TENM3: variants seen among roughly 807,000 people sequenced by gnomAD.
The protein encoded by TENM3 is teneurin-3.
A neutral mutation model predicts 255.1 loss-of-function variants in TENM3; 63 were observed. That is an observed-to-expected ratio of 0.25 (90% CI 0.20 to 0.30). The LOEUF (loss-of-function observed/expected upper bound fraction) is 0.30. TENM3 is among the 10% of genes least tolerant of loss of function. TENM3 has a pLI of 1.00. For missense variants in TENM3, 2,929 were observed against 3,461.1 expected, an observed-to-expected ratio of 0.85 and a Z score of 3.86; for synonymous variants, 1,306 against 1,322.3, an observed-to-expected ratio of 0.99 and a Z score of 0.27.
the TENM3 span, among the ~76,000 whole-genome samples, chr4:182,050,224 C>T: frequency 6.6e-6 from 1 of 152,042 alleles, no homozygotes; most frequent in Non-Finnish European, 1.5e-5. Flanking sequence ...AACTCCTGAC[C>T]TCGGGTGATC....
At chr4:182,553,439 T>G (rs1742267194) in intron 3 of TENM3, among the ~76,000 whole-genome samples, 1 of 149,150 alleles carries the variant, frequency 6.7e-6, no homozygotes, top group Non-Finnish European at 1.5e-5. Context: ...ACATGACGAG[T>G]TAATGGGTGC....
chr4:182,799,590 C>T lies in TENM3; in HGVS notation c.7345-6C>T. On this transcript the variant is annotated splice_polypyrimidine_tract_variant and splice_region_variant and intron_variant, in intron 27 of 27. Transcript: ENST00000511685. This position sits in a 1 kb window ranked among gnomAD's most constrained non-coding sequence, Gnocchi z 4.2. ...TGACGCGCCCCCTCTTTTGTTTCGC[C>T]CGCAGCCCATCTTCGGAGTCCAGCA... 6.5e-7 allele frequency: 1 copy of T among 1,536,296 alleles called. No individual in the cohort carries two copies. Among genetic ancestry groups the T allele is most frequent in the Non-Finnish European group, 8.7e-7 (1 of 1,145,996 alleles).
intron 1 of TENM3, among the ~76,000 whole-genome samples, chr4:182,265,561 CTTAT>C (rs1759191687): frequency 2.0e-5 from 3 of 152,128 alleles, no homozygotes; most frequent in Non-Finnish European, 4.4e-5. Flanking sequence ...CCTTCAGCTG[CTTAT>C]TTGCTTATTT....
chr4:182,296,693 C>T (rs1761521535), intron 1 of TENM3, among the ~76,000 whole-genome samples: 1 of 152,170 alleles, frequency 6.6e-6, no homozygotes. Flanking sequence ...TAGATTGCTG[C>T]CTTTGAGTAT....
At chr4:181,908,826 G>A in the TENM3 span, among the ~76,000 whole-genome samples, 1 of 152,158 alleles carries the variant, frequency 6.6e-6, no homozygotes, top group Admixed American at 6.5e-5. Context: ...CCCTTAAAAG[G>A]TGAACACACT....
At chr4:182,079,186 G>A in the TENM3 span, among the ~76,000 whole-genome samples, 1 of 152,176 alleles carries the variant, frequency 6.6e-6, no homozygotes, top group Non-Finnish European at 1.5e-5. Context: ...GCTTGATATT[G>A]AAAATTCAAT....
At chr4:181,464,280 G>T in the TENM3 span, among the ~76,000 whole-genome samples, 1 of 152,078 alleles carries the variant, frequency 6.6e-6, no homozygotes, top group African/African-American at 2.4e-5. Flanking sequence ...AATATACAGG[G>T]GTTCCAATGT....
chr4:182,646,243 G>A (rs1209833118), intron 5 of TENM3, among the ~76,000 whole-genome samples: 1 of 152,162 alleles, frequency 6.6e-6, no homozygotes, highest in African/African-American at 2.4e-5. Context: ...ATATGTCCAG[G>A]AGAACTTAGT....
At chr4:182,013,006 CAAAACAAAAACA>C in the TENM3 span, among the ~76,000 whole-genome samples, 2 of 151,702 alleles carry the variant, frequency 1.3e-5, no homozygotes, top group African/African-American at 2.4e-5. Flanking sequence ...CAAAACAAAA[CAAAACAAAAACA>C]AAAACAAAAA....
the TENM3 span, among the ~76,000 whole-genome samples, chr4:181,546,024 C>T: frequency 6.6e-6 from 1 of 152,182 alleles, no homozygotes; most frequent in Non-Finnish European, 1.5e-5. Context: ...ACAGAGGAAG[C>T]TTTCACACAC....
chr4:182,017,842 G>T, the TENM3 span, among the ~76,000 whole-genome samples: 1 of 152,108 alleles, frequency 6.6e-6, no homozygotes, highest in Admixed American at 6.6e-5. Context: ...TAACTAAGAC[G>T]ATTTTCTTTT....
Position 182,728,849 on chromosome 4 carries a change from T to G in TENM3, c.2369-116T>G, listed in dbSNP as rs555436112. 4.1e-6 allele frequency: 3 copies of G among 739,784 alleles called. No homozygotes were observed. In the East Asian group the frequency reaches 8.1e-5, roughly 20 times the overall value. 45.8% of individuals were successfully genotyped at this position (739,784 alleles called of 1,614,324 possible). Reference sequence around the variant, plus strand: ...ATGCCTCATAGAAATTACTATCAGATAGTCGGGAGAAATCACTTGATGTGA... The same window carrying G: ...ATGCCTCATAGAAATTACTATCAGAGAGTCGGGAGAAATCACTTGATGTGA... On this transcript the variant is annotated intron_variant, in intron 13 of 27. Transcript: ENST00000511685.
At chr4:182,297,933 C>T (rs1438082705) in intron 1 of TENM3, among the ~76,000 whole-genome samples, 1 of 152,206 alleles carries the variant, frequency 6.6e-6, no homozygotes, top group East Asian at 1.9e-4. Flanking sequence ...TCCTCTGCCC[C>T]ATAGCCTGCG....
the TENM3 span, among the ~76,000 whole-genome samples, chr4:181,867,803 C>T: frequency 3.9e-5 from 6 of 152,194 alleles, no homozygotes; most frequent in Admixed American, 2.6e-4. Flanking sequence ...AGCAAACTGC[C>T]GCAAAATTGA....
intron 1 of TENM3, among the ~76,000 whole-genome samples, chr4:182,201,556 G>T (rs1754187607): frequency 6.6e-6 from 1 of 151,936 alleles, no homozygotes; most frequent in Admixed American, 6.6e-5. Flanking sequence ...TCAGACCTTG[G>T]GGCAGGAGTT....
chr4:182,771,477 T>A (rs1764204665), intron 22 of TENM3, among the ~76,000 whole-genome samples: 2 of 145,396 alleles, frequency 1.4e-5, no homozygotes, highest in African/African-American at 5.0e-5. Context: ...CACGTCGTAT[T>A]TTCATTTTCC....
chr4:181,692,846 T>C, the TENM3 span, among the ~76,000 whole-genome samples: 1 of 152,188 alleles, frequency 6.6e-6, no homozygotes, highest in Non-Finnish European at 1.5e-5. Flanking sequence ...CAAGGTGAGA[T>C]ATCAGCTTTC....
At chr4:181,906,107 T>G in the TENM3 span, 1 of 310,406 alleles carries the variant, frequency 3.2e-6, no homozygotes, top group Non-Finnish European at 6.5e-6. Flanking sequence ...AGGCACTGGA[T>G]AAAATGGCAG....
chr4:181,472,059 G>A, the TENM3 span, among the ~76,000 whole-genome samples: 4 of 152,108 alleles, frequency 2.6e-5, no homozygotes, highest in Non-Finnish European at 4.4e-5. Flanking sequence ...AGAAAGGAGA[G>A]AGAAGGTCAA....
Sources: allele counts gnomAD v4.1 joint callset (sites outside exome capture counted in the v4.1 genomes callset), GRCh38; gene constraint gnomAD v4.1.1; non-coding constraint Gnocchi (gnomAD v3.1); transcripts MANE v1.5; gene names NCBI Gene and HGNC (gene_info 2026-07-23, HGNC 2026-07-21).